Variants in TASP1 observed in about 807,000 individuals in gnomAD.
The protein encoded by TASP1 is threonine aspartase 1.
In TASP1, 16 loss-of-function variants were observed where a neutral mutation model predicts 56.6. The observed-to-expected ratio is 0.28, with a 90% CI of 0.19 to 0.43. The LOEUF (loss-of-function observed/expected upper bound fraction) is 0.43, where lower values mean the gene tolerates loss of function less well. TASP1 is among the 20% of genes least tolerant of loss of function. The pLI is 1.00. For synonymous variants in TASP1, 179 were observed against 184.2 expected, an observed-to-expected ratio of 0.97 and a Z score of 0.23; for missense variants, 393 against 511.6, an observed-to-expected ratio of 0.77 and a Z score of 2.24.
chr20:13,298,977 A>C, the TASP1 span: 1 of 1,613,622 alleles, frequency 6.2e-7, no homozygotes, highest in Non-Finnish European at 8.5e-7. Context: ...GAGCTGCAAA[A>C]GCGAGTTCTT....
the TASP1 span, among the ~76,000 whole-genome samples, chr20:13,139,790 C>T: frequency 6.6e-6 from 1 of 152,178 alleles, no homozygotes; most frequent in African/African-American, 2.4e-5. Flanking sequence ...TTTCCAAATG[C>T]TCTCCTATTT....
the TASP1 span, among the ~76,000 whole-genome samples, chr20:13,246,625 G>C: frequency 6.6e-6 from 1 of 152,212 alleles, no homozygotes; most frequent in Non-Finnish European, 1.5e-5. Context: ...TTATAGATGA[G>C]AAACCTGAGA....
chr20:13,282,716 G>C, the TASP1 span, among the ~76,000 whole-genome samples: 3 of 152,170 alleles, frequency 2.0e-5, no homozygotes, highest in African/African-American at 7.2e-5. Context: ...AAATAAAGTC[G>C]TGTTCTGTGC....
chr20:13,283,884 T>C, the TASP1 span, among the ~76,000 whole-genome samples: 5 of 152,202 alleles, frequency 3.3e-5, no homozygotes, highest in East Asian at 9.6e-4. Context: ...CTTTATAATG[T>C]TTAATTATGG....
At chr20:13,583,897 T>A (rs1387544728) in intron 5 of TASP1, among the ~76,000 whole-genome samples, 1 of 152,118 alleles carries the variant, frequency 6.6e-6, no homozygotes, top group Non-Finnish European at 1.5e-5. Context: ...TTGGCCAGCA[T>A]GGTGAAACCC....
the TASP1 span, among the ~76,000 whole-genome samples, chr20:13,128,873 T>TC: frequency 3.7e-5 from 1 of 26,774 alleles, no homozygotes; most frequent in African/African-American, 2.0e-4. Context: ...CCCAGCTAAT[T>TC]TTTTTTTTTT....
chr20:13,304,001 G>A, the TASP1 span, among the ~76,000 whole-genome samples: 62 of 152,310 alleles, frequency 4.1e-4, no homozygotes, highest in African/African-American at 1.5e-3. Context: ...GACAACCCAG[G>A]GACCCAGACT....
At chr20:13,309,477 T>C in the TASP1 span, among the ~76,000 whole-genome samples, 2 of 152,112 alleles carry the variant, frequency 1.3e-5, no homozygotes, top group Non-Finnish European at 2.9e-5. Context: ...TACTCATCAG[T>C]GAAAAGTTCA....
intron 6 of TASP1, among the ~76,000 whole-genome samples, chr20:13,570,333 CT>C (rs1395071130): frequency 6.6e-6 from 1 of 152,134 alleles, no homozygotes; most frequent in East Asian, 1.9e-4. Context: ...ACTCCATCTT[CT>C]TCCATAGCCA....
intron 13 of TASP1, among the ~76,000 whole-genome samples, chr20:13,395,779 G>A (rs1396470025): frequency 6.7e-6 from 1 of 149,734 alleles, no homozygotes; most frequent in African/African-American, 2.5e-5. Context: ...TCAGCTCACT[G>A]CAACCTCCAC....
At chr20:13,496,764 A>G (rs1054703073) in intron 10 of TASP1, among the ~76,000 whole-genome samples, 8 of 152,194 alleles carry the variant, frequency 5.3e-5, no homozygotes, top group African/African-American at 1.2e-4. Context: ...ACTTCTAGTT[A>G]GGATGAAGAA....
the TASP1 span, among the ~76,000 whole-genome samples, chr20:13,190,938 G>A: frequency 6.6e-6 from 1 of 151,692 alleles, no homozygotes; most frequent in Non-Finnish European, 1.5e-5. Flanking sequence ...TATCCAAACA[G>A]ACTTATCTCA....
At chr20:13,487,162 A>G (rs2146538832) in intron 10 of TASP1, among the ~76,000 whole-genome samples, 1 of 152,330 alleles carries the variant, frequency 6.6e-6, no homozygotes, top group South Asian at 2.1e-4. Context: ...GGCTGGCAGA[A>G]GATACCTGCC....
At chr20:13,280,757 G>A in the TASP1 span, among the ~76,000 whole-genome samples, 1 of 152,308 alleles carries the variant, frequency 6.6e-6, no homozygotes, top group Non-Finnish European at 1.5e-5. Flanking sequence ...TGGTCACATG[G>A]CCCCACCTTG....
intron 12 of TASP1, among the ~76,000 whole-genome samples, chr20:13,431,503 T>A (rs962688387): frequency 1.3e-5 from 2 of 152,190 alleles, no homozygotes; most frequent in African/African-American, 4.8e-5. Context: ...TGACATTATT[T>A]AGAATCAATC....
At chr20:13,614,234 T>C (rs2048445471) in intron 4 of TASP1, among the ~76,000 whole-genome samples, 1 of 152,204 alleles carries the variant, frequency 6.6e-6, no homozygotes, top group Admixed American at 6.5e-5. Context: ...CTGTGAACAC[T>C]TGAGTCAAAC....
At chr20:13,509,627 G>A (rs140533881) in intron 10 of TASP1, among the ~76,000 whole-genome samples, 1 of 152,040 alleles carries the variant, frequency 6.6e-6, no homozygotes, top group African/African-American at 2.4e-5. Flanking sequence ...TTCTTTTCCT[G>A]TTTTTGTTTT....
the TASP1 span, among the ~76,000 whole-genome samples, chr20:13,124,588 A>G: frequency 2.0e-5 from 3 of 152,330 alleles, no homozygotes; most frequent in African/African-American, 7.2e-5. Context: ...GGGGGGATTC[A>G]GAATGAAAGA....
chr20:13,464,897 TC>T (rs201362794), intron 11 of TASP1, among the ~76,000 whole-genome samples: 2,538 of 152,122 alleles, frequency 0.017, 69 homozygotes, highest in African/African-American at 0.056. Flanking sequence ...TCACAGTGAC[TC>T]ATGCCTGTAA....
Sources: allele counts gnomAD v4.1 joint callset (sites outside exome capture counted in the v4.1 genomes callset), GRCh38; gene constraint gnomAD v4.1.1; transcripts MANE v1.5; gene names NCBI Gene and HGNC (gene_info 2026-07-23, HGNC 2026-07-21).